Variants in CDH13 observed in about 807,000 individuals in gnomAD.
The protein encoded by CDH13 is cadherin-13.
Under a neutral mutation model 63.8 loss-of-function variants are expected in CDH13, and 24 were observed. That is an observed-to-expected ratio of 0.38 (90% CI 0.27 to 0.53). CDH13 has a LOEUF of 0.53. Among genes scored for constraint, CDH13 ranks in the 20% least tolerant of loss-of-function variants. The pLI, the probability that CDH13 is intolerant of heterozygous loss-of-function variation, is 0.85. For synonymous variants in CDH13, 503 were observed against 355.3 expected (o/e 1.42, Z -4.67); for missense variants, 1,049 against 903.1 (o/e 1.16, Z -2.07).
At chr16:82,762,303 C>T (rs2034884626) in intron 1 of CDH13, among the ~76,000 whole-genome samples, 1 of 152,180 alleles carries the variant, frequency 6.6e-6, no homozygotes, top group African/African-American at 2.4e-5. Flanking sequence ...GAATTGATTA[C>T]TTCTAAATTG....
At chr16:83,252,876 C>G (rs1385657959) in intron 5 of CDH13, among the ~76,000 whole-genome samples, 2 of 152,114 alleles carry the variant, frequency 1.3e-5, no homozygotes, top group African/African-American at 2.4e-5. Context: ...TCATGGGACT[C>G]CTGAGTCAGA....
intron 2 of CDH13, among the ~76,000 whole-genome samples, chr16:82,902,286 A>G (rs568352859): frequency 3.3e-5 from 5 of 152,156 alleles, no homozygotes; most frequent in Non-Finnish European, 5.9e-5. Context: ...AAAATTATCA[A>G]AACTACTGGG....
At chr16:83,728,342 C>CGTGTGCGTGTGTGTGTGTGT (rs1555521384) in intron 10 of CDH13, among the ~76,000 whole-genome samples, 8 of 149,322 alleles carry the variant, frequency 5.4e-5, no homozygotes, top group South Asian at 4.3e-4. Context: ...TATGTGTGTG[C>CGTGTGCGTGTGTGTGTGTGT]GTGTGTGTGT....
chr16:83,289,678 T>C (rs982741371), intron 5 of CDH13, among the ~76,000 whole-genome samples: 1 of 152,188 alleles, frequency 6.6e-6, no homozygotes, highest in Non-Finnish European at 1.5e-5. Flanking sequence ...ACAGTCTAGC[T>C]GGACCATTTA....
intron 6 of CDH13, among the ~76,000 whole-genome samples, chr16:83,420,343 G>T (rs969734762): frequency 1.3e-5 from 2 of 152,184 alleles, no homozygotes; most frequent in African/African-American, 4.8e-5. Context: ...ATTCGAAGCA[G>T]TTGAATTCTC....
At chr16:83,038,093 C>T (rs1220484736) in intron 3 of CDH13, among the ~76,000 whole-genome samples, 1 of 152,152 alleles carries the variant, frequency 6.6e-6, no homozygotes, top group Non-Finnish European at 1.5e-5. Context: ...GCCAGCCTAA[C>T]CAAAACAGGG....
chr16:82,700,972 C>G lies in CDH13; in HGVS notation c.45+73835C>G, dbSNP rs942510346. On this transcript the variant is annotated intron_variant, in intron 1 of 13. Coordinates refer to ENST00000567109, the MANE Select transcript of CDH13 (RefSeq NM_001257.5). Reference sequence around the variant, plus strand: ...TGGAACCCGCCCCCCCCCCCCCCCCCCCGCCCCGGGCATCTCCAAACTGCT... The same window carrying G: ...TGGAACCCGCCCCCCCCCCCCCCCCGCCGCCCCGGGCATCTCCAAACTGCT... 1.5e-4 allele frequency among the ~76,000 whole-genome samples: 8 copies of G among 53,932 alleles called. 1 individual carries two copies. In the South Asian group the frequency reaches 6.8e-3, roughly 46 times the overall value. 35.4% of individuals were successfully genotyped at this position (53,932 alleles called of 152,430 possible).
intron 10 of CDH13, among the ~76,000 whole-genome samples, chr16:83,719,501 C>G (rs1423587183): frequency 6.6e-6 from 1 of 152,108 alleles, no homozygotes; most frequent in Non-Finnish European, 1.5e-5. Context: ...TGGTCAAGCT[C>G]CAGGTCTTTT....
At chr16:82,737,157 G>A (rs1381413429) in intron 1 of CDH13, among the ~76,000 whole-genome samples, 1 of 152,136 alleles carries the variant, frequency 6.6e-6, no homozygotes, top group Middle Eastern at 3.2e-3. Context: ...TTTGTGTGCT[G>A]GGCACCTGGA....
intron 1 of CDH13, among the ~76,000 whole-genome samples, chr16:82,799,073 G>T (rs748074616): frequency 6.6e-6 from 1 of 152,098 alleles, no homozygotes. Flanking sequence ...CCAGCAATTT[G>T]TCTCTGAGAA....
rs113522245 is a variant in CDH13, at chr16:82,778,789, T to G, written c.46-79573T>G. Among the ~76,000 whole-genome samples, 830 of 152,186 alleles carry G rather than the reference T, an allele frequency of 5.5e-3. 3 individuals carry two copies. The highest frequency in any genetic ancestry group is 8.4e-3 in the Non-Finnish European group (569 of 68,016). ...GCACTAGGAACCCCTATTTAATCAT[T>G]TACAGAAAAAACATGGCAAAGACCA... is the stretch of plus-strand genomic sequence containing the variant. On this transcript the variant is annotated intron_variant, in intron 1 of 13. Coordinates refer to ENST00000567109, the MANE Select transcript of CDH13 (RefSeq NM_001257.5).
At chr16:82,917,163 G>A (rs1678048135) in intron 2 of CDH13, among the ~76,000 whole-genome samples, 2 of 152,172 alleles carry the variant, frequency 1.3e-5, no homozygotes, top group Non-Finnish European at 1.5e-5. Context: ...AAAGGAAGAC[G>A]CTTACAAATA....
chr16:83,340,089 G>A (rs1285492592), intron 5 of CDH13, among the ~76,000 whole-genome samples: 1 of 152,122 alleles, frequency 6.6e-6, no homozygotes, highest in Non-Finnish European at 1.5e-5. Flanking sequence ...TTTCTGCAAT[G>A]TTTCACTTTT....
intron 6 of CDH13, among the ~76,000 whole-genome samples, chr16:83,401,949 G>A (rs1036134395): frequency 6.6e-6 from 1 of 152,168 alleles, no homozygotes; most frequent in African/African-American, 2.4e-5. Context: ...CAGAGCTTGA[G>A]GTCTTGAGAA....
At chr16:82,949,482 C>T (rs570771529) in intron 2 of CDH13, among the ~76,000 whole-genome samples, 11 of 152,224 alleles carry the variant, frequency 7.2e-5, no homozygotes, top group Admixed American at 4.6e-4. Flanking sequence ...AGGAGTTGGA[C>T]GTTTCTTTTA....
In CDH13 at chr16:83,745,897, G is replaced by A. The variant is rs539365916; in HGVS notation, c.1539-2211G>A. 3.9e-5 allele frequency among the ~76,000 whole-genome samples: 6 copies of A among 152,232 alleles called. No individual in the cohort carries two copies. In the South Asian group the frequency reaches 1.2e-3, roughly 32 times the overall value. ...ATCTTCTTCGAAGTAAGATCCTTCA[G>A]GTGAAACATACCTGCTGACCACCCA... is the stretch of plus-strand genomic sequence containing the variant. On this transcript the variant is annotated intron_variant, in intron 10 of 13. Coordinates refer to ENST00000567109, the MANE Select transcript of CDH13 (RefSeq NM_001257.5).
intron 5 of CDH13, among the ~76,000 whole-genome samples, chr16:83,266,767 G>A (rs1464044916): frequency 6.6e-6 from 1 of 152,124 alleles, no homozygotes; most frequent in African/African-American, 2.4e-5. Context: ...ATTCATGGAG[G>A]CTTATGAAGT....
chr16:82,873,169 G>A (rs1053459045), intron 2 of CDH13, among the ~76,000 whole-genome samples: 1 of 152,188 alleles, frequency 6.6e-6, no homozygotes, highest in Non-Finnish European at 1.5e-5. Context: ...CACTTAGGCT[G>A]AGGGAGTAAC....
chr16:82,980,531 T>C (rs1327456936), intron 2 of CDH13, among the ~76,000 whole-genome samples: 3 of 152,178 alleles, frequency 2.0e-5, no homozygotes, highest in African/African-American at 7.2e-5. Context: ...CTAATGCAAA[T>C]GTGATTTTTT....
Sources: gnomAD v4.1 joint callset for allele counts (sites outside exome capture counted in the v4.1 genomes callset) on GRCh38, gnomAD v4.1.1 for gene constraint, MANE v1.5 for transcripts, NCBI Gene and HGNC (gene_info 2026-07-23, HGNC 2026-07-21) for gene names.